The following LRP1B variants were observed in gnomAD, a reference collection of about 807,000 sequenced individuals.
LRP1B encodes LDL receptor related protein 1B.
LRP1B carries 217 observed loss-of-function variants against 556.6 expected under a neutral mutation model. The ratio of observed to expected loss-of-function variants is 0.39; its 90% confidence interval spans 0.35 to 0.44. The LOEUF (loss-of-function observed/expected upper bound fraction) is 0.44, where lower values mean the gene tolerates loss of function less well. Among genes scored for constraint, LRP1B ranks in the 20% least tolerant of loss-of-function variants. The pLI, the probability that LRP1B is intolerant of heterozygous loss-of-function variation, is 1.00. For missense variants in LRP1B, 5,053 were observed against 5,620.8 expected (o/e 0.90, Z 3.23); for synonymous variants, 2,047 against 1,865.8 (o/e 1.10, Z -2.50).
intron 1 of LRP1B, among the ~76,000 whole-genome samples, chr2:141,944,181 G>A (rs937716205): frequency 6.6e-6 from 1 of 152,192 alleles, no homozygotes; most frequent in African/African-American, 2.4e-5. Flanking sequence ...CATCCCAGCT[G>A]GGAGGAGTAT....
chr2:141,411,672 A>G (rs1385267877), intron 3 of LRP1B, among the ~76,000 whole-genome samples: 1 of 152,168 alleles, frequency 6.6e-6, no homozygotes, highest in Non-Finnish European at 1.5e-5. Flanking sequence ...CTGCTAATGC[A>G]GTTGAAACAA....
At chr2:141,256,116 A>G (rs1350234504) in intron 3 of LRP1B, among the ~76,000 whole-genome samples, 2 of 152,032 alleles carry the variant, frequency 1.3e-5, no homozygotes, top group African/African-American at 4.8e-5. Flanking sequence ...GCTAAATAAA[A>G]GTACAAGTGG....
At chr2:141,524,160 G>A (rs1018413606) in intron 2 of LRP1B, among the ~76,000 whole-genome samples, 2 of 151,930 alleles carry the variant, frequency 1.3e-5, no homozygotes, top group African/African-American at 4.8e-5. Flanking sequence ...TATAATGTCT[G>A]TGTTTTTTAT....
At chr2:141,906,824 T>C (rs1017075600) in intron 1 of LRP1B, among the ~76,000 whole-genome samples, 4 of 152,028 alleles carry the variant, frequency 2.6e-5, no homozygotes, top group Non-Finnish European at 4.4e-5. Flanking sequence ...CTTGTAATCT[T>C]GTAAAACTAG....
intron 60 of LRP1B, among the ~76,000 whole-genome samples, chr2:140,459,581 T>C (rs1413903339): frequency 2.0e-5 from 3 of 152,226 alleles, no homozygotes; most frequent in Admixed American, 2.0e-4. Flanking sequence ...TATTCAGCAG[T>C]AACTACAGGT....
intron 41 of LRP1B, among the ~76,000 whole-genome samples, chr2:140,616,947 T>C (rs1461929874): frequency 1.3e-5 from 2 of 151,834 alleles, no homozygotes; most frequent in Non-Finnish European, 2.9e-5. Flanking sequence ...AATACTAACT[T>C]TCTCAACCTT....
At chr2:141,153,139 T>A (rs1241292411) in intron 7 of LRP1B, among the ~76,000 whole-genome samples, 1 of 146,966 alleles carries the variant, frequency 6.8e-6, no homozygotes, top group East Asian at 2.0e-4. Flanking sequence ...TTTCTTCCAT[T>A]TAACTTATAC....
intron 1 of LRP1B, among the ~76,000 whole-genome samples, chr2:141,977,295 G>A (rs772259194): frequency 1.3e-4 from 20 of 152,072 alleles, no homozygotes; most frequent in Non-Finnish European, 2.5e-4. Flanking sequence ...AAGGCCACTG[G>A]GCACGGTGGC....
At chr2:140,307,335 G>T (rs1044441982) in intron 83 of LRP1B, among the ~76,000 whole-genome samples, 51 of 151,988 alleles carry the variant, frequency 3.4e-4, no homozygotes, top group African/African-American at 1.2e-3. Flanking sequence ...GTAACTGGAA[G>T]TTTTACTATT....
chr2:140,884,701 T>A (rs1231760562), intron 24 of LRP1B, among the ~76,000 whole-genome samples: 3 of 151,806 alleles, frequency 2.0e-5, no homozygotes, highest in African/African-American at 4.8e-5. Flanking sequence ...TTTCACAATT[T>A]AAAAAAAAAT....
At chr2:140,925,718 T>C (rs1694864867) in intron 20 of LRP1B, among the ~76,000 whole-genome samples, 1 of 152,152 alleles carries the variant, frequency 6.6e-6, no homozygotes, top group Non-Finnish European at 1.5e-5. Context: ...TATTGGTCTT[T>C]TAAAAATCTG....
chr2:141,995,697 G>A (rs1032761337), intron 1 of LRP1B, among the ~76,000 whole-genome samples: 2 of 152,126 alleles, frequency 1.3e-5, no homozygotes, highest in Admixed American at 6.6e-5. Context: ...CCATTAGAAA[G>A]CTTCATCTTG....
Position 141,965,808 on chromosome 2 carries a change from AAAAAAG to A in LRP1B, c.83-155413_83-155408del, listed in dbSNP as rs1256181563. ...AAATAAATATGTATCCAAAAAAAAAAAAAAAGAAAATTGTTTTTTTTTTAAGAAAAT... is the reference window on the plus strand; with the variant it reads ...AAATAAATATGTATCCAAAAAAAAAAAAAATTGTTTTTTTTTTAAGAAAAT... On this transcript the variant is annotated intron_variant, in intron 1 of 90. Coordinates refer to ENST00000389484, the MANE Select transcript of LRP1B (RefSeq NM_018557.3). 2.0e-3 allele frequency among the ~76,000 whole-genome samples: 304 copies of A among 149,260 alleles called. 1 individual carries two copies. Among genetic ancestry groups the A allele is most frequent in the African/African-American group, 6.8e-3 (279 of 41,038 alleles).
intron 2 of LRP1B, among the ~76,000 whole-genome samples, chr2:141,585,139 C>A (rs1283724333): frequency 6.6e-6 from 1 of 152,102 alleles, no homozygotes; most frequent in African/African-American, 2.4e-5. Context: ...AACCTGTTAT[C>A]CCTTGTAATA....
intron 6 of LRP1B, among the ~76,000 whole-genome samples, chr2:141,199,205 A>G (rs1681891523): frequency 6.6e-6 from 1 of 152,192 alleles, no homozygotes; most frequent in South Asian, 2.1e-4. Context: ...AAATGCTTTC[A>G]GAAATACATC....
chr2:141,836,818 A>G (rs1358121577), intron 1 of LRP1B, among the ~76,000 whole-genome samples: 1 of 151,990 alleles, frequency 6.6e-6, no homozygotes, highest in Non-Finnish European at 1.5e-5. Flanking sequence ...ACAGTAGGTA[A>G]TTTTTGGTCT....
chr2:140,304,789 G>T (rs1683993958), intron 83 of LRP1B, among the ~76,000 whole-genome samples: 1 of 152,106 alleles, frequency 6.6e-6, no homozygotes, highest in African/African-American at 2.4e-5. Flanking sequence ...ATGGTTTTAG[G>T]TCTAACGTTT....
intron 77 of LRP1B, among the ~76,000 whole-genome samples, chr2:140,337,518 A>T (rs144042189): frequency 2.0e-5 from 3 of 152,028 alleles, no homozygotes; most frequent in African/African-American, 7.2e-5. Flanking sequence ...TCATCATTTA[A>T]AAGTAAATAT....
intron 35 of LRP1B, among the ~76,000 whole-genome samples, chr2:140,766,616 C>A (rs955973782): frequency 1.6e-5 from 2 of 121,218 alleles, no homozygotes; most frequent in African/African-American, 2.7e-5. Flanking sequence ...ATCAGCTCTA[C>A]AGACTGATGA....
Sources: gnomAD v4.1 joint callset for allele counts (sites outside exome capture counted in the v4.1 genomes callset) on GRCh38, gnomAD v4.1.1 for gene constraint, MANE v1.5 for transcripts, NCBI Gene and HGNC (gene_info 2026-07-23, HGNC 2026-07-21) for gene names.